The following PCDHGB3 variants were observed in gnomAD, a reference collection of about 807,000 sequenced individuals.
The protein encoded by PCDHGB3 is protocadherin gamma-B3.
In PCDHGB3, 40 loss-of-function variants were observed where a neutral mutation model predicts 59.2. The ratio of observed to expected loss-of-function variants is 0.68; its 90% CI spans 0.52 to 0.88. The LOEUF (loss-of-function observed/expected upper bound fraction) is 0.88, where lower values mean the gene tolerates loss of function less well. PCDHGB3 is among the 40% of genes least tolerant of loss of function. PCDHGB3 has a pLI of 0.00. For missense variants in PCDHGB3, 1,309 were observed against 1,187.9 expected (o/e 1.10, Z -1.50); for synonymous variants, 581 against 503.6 (o/e 1.15, Z -2.06).
Position 141,491,636 on chromosome 5 carries a change from C to T in PCDHGB3, c.2416-3171C>T. ...AGACCCCTCAGCGTTCAGCAGCCCA[C>T]AGCTCTGGCGCTGGAGCCTGACGCC... On this transcript the variant is annotated intron_variant, in intron 1 of 3. Coordinates refer to ENST00000576222, the MANE Select transcript of PCDHGB3 (RefSeq NM_018924.5). This position sits in a 1 kb window ranked among gnomAD's most constrained non-coding sequence, Gnocchi z 6.9. 6.2e-7 allele frequency: 1 copy of T among 1,613,922 alleles called. No homozygotes were observed. Among genetic ancestry groups the T allele is most frequent in the Non-Finnish European group, 8.5e-7 (1 of 1,180,020 alleles).
intron 1 of PCDHGB3, chr5:141,418,387 G>T: frequency 1.9e-6 from 3 of 1,614,002 alleles, no homozygotes; most frequent in Non-Finnish European, 2.5e-6. Flanking sequence ...GTCCTAACGA[G>T]TATTTCTCAT....
chr5:141,431,333 C>T lies in PCDHGB3; in HGVS notation c.2415+58524C>T. 1 of 1,614,058 alleles carries T rather than the reference C, an allele frequency of 6.2e-7. No individual in the cohort carries two copies. Among genetic ancestry groups the T allele is most frequent in the Non-Finnish European group, 8.5e-7 (1 of 1,180,030 alleles). On this transcript the variant is annotated intron_variant, in intron 1 of 3. Coordinates refer to ENST00000576222, the MANE Select transcript of PCDHGB3 (RefSeq NM_018924.5). The surrounding 1 kb of genome is among the most constrained non-coding windows in gnomAD (Gnocchi z 4.8). ...AAATGGAGCCGACGGTAGTAAGTAC[C>T]CCGAATTGGTGCTGAAACGCGCCCT...
chr5:141,389,999 G>C (rs777892783), intron 1 of PCDHGB3: 4 of 1,614,018 alleles, frequency 2.5e-6, no homozygotes, highest in Non-Finnish European at 3.4e-6. Context: ...TCGTGGCCAT[G>C]ATTCTGGCCA....
At chr5:141,505,361 A>G (rs2099845711) in intron 2 of PCDHGB3, 32 bp from the exon 3 acceptor site, 1 of 1,613,910 alleles carries the variant, frequency 6.2e-7, no homozygotes, top group South Asian at 1.1e-5. Context: ...CCGGCCTGGG[A>G]GTCTGTGCTC....
At chr5:141,421,464 T>C in intron 1 of PCDHGB3, 1 of 1,614,090 alleles carries the variant, frequency 6.2e-7, no homozygotes, top group Non-Finnish European at 8.5e-7. Flanking sequence ...TCGCTGTGAA[T>C]CCGCGAAGCG....
intron 1 of PCDHGB3, among the ~76,000 whole-genome samples, chr5:141,467,820 G>T (rs1278112158): frequency 6.6e-6 from 1 of 151,884 alleles, no homozygotes; most frequent in African/African-American, 2.4e-5. Flanking sequence ...CACCACACCA[G>T]GCTGATTTTT....
chr5:141,496,234 T>C (rs2154591884), intron 2 of PCDHGB3, among the ~76,000 whole-genome samples: 1 of 152,232 alleles, frequency 6.6e-6, no homozygotes, highest in Middle Eastern at 3.4e-3. Context: ...AGGAACCCCC[T>C]GCGGGCTGAA....
At chr5:141,419,471 G>A in intron 1 of PCDHGB3, 1 of 1,612,462 alleles carries the variant, frequency 6.2e-7, no homozygotes, top group Non-Finnish European at 8.5e-7. Context: ...CCGCGACCAG[G>A]GCTCGCCCGC....
Position 141,431,240 on chromosome 5 carries a change from G to A in PCDHGB3, c.2415+58431G>A, listed in dbSNP as rs1402814836. 6 of 1,614,044 alleles carry A rather than the reference G, an allele frequency of 3.7e-6. No individual in the cohort carries two copies. Among genetic ancestry groups the A allele is most frequent in the Non-Finnish European group, 5.1e-6 (6 of 1,180,056 alleles). On this transcript the variant is annotated intron_variant, in intron 1 of 3. Coordinates refer to ENST00000576222, the MANE Select transcript of PCDHGB3 (RefSeq NM_018924.5). The surrounding 1 kb of genome is among the most constrained non-coding windows in gnomAD (Gnocchi z 4.8). Reference sequence around the variant, plus strand: ...CCCTCTACCCCACGCCTGGGATCCGGATATCGGGAAGAACTCTCTGCAGAG... The same window carrying A: ...CCCTCTACCCCACGCCTGGGATCCGAATATCGGGAAGAACTCTCTGCAGAG...
intron 1 of PCDHGB3, among the ~76,000 whole-genome samples, chr5:141,401,212 G>A (rs2094128608): frequency 6.6e-6 from 1 of 151,930 alleles, no homozygotes; most frequent in Non-Finnish European, 1.5e-5. Context: ...TGTGGTGGCG[G>A]GCGCCTGTAA....
At position 141,371,301 on chromosome 5, in the gene PCDHGB3, A is replaced by G. The variant is rs199851082; in HGVS notation, c.907A>G (p.Thr303Ala). The G allele has an allele frequency of 1.7e-4, 272 of 1,613,872 alleles. No homozygotes were observed. Among genetic ancestry groups the G allele is most frequent in the Non-Finnish European group, 2.2e-4 (265 of 1,179,878 alleles). ...GGACAGTAAAACGGGGGAACTCACC[A>G]CTATTGGAGAACTGGACTTTGAAGA... The part of the protein sequence containing the change: ...KLDSKTGELT[T>A]IGELDFEERD... Residue 303 changes from threonine (T) to alanine (A), a missense_variant, in exon 1 of 4, where the codon ACT becomes GCT. Transcript: ENST00000576222.
rs2099401367 is a variant in PCDHGB3 at position 141,476,906 on chromosome 5, G to C, written c.2416-17901G>C. ...GGATGCACCCTCCGGCACGCGCGTG[G>C]TACAAGTCCTTGCAACGGATCTGGA... is the stretch of plus-strand genomic sequence containing the variant. On this transcript the variant is annotated intron_variant, in intron 1 of 3. Coordinates refer to ENST00000576222, the MANE Select transcript of PCDHGB3 (RefSeq NM_018924.5). The surrounding 1 kb of genome is among the most constrained non-coding windows in gnomAD (Gnocchi z 7.6). 2 of 1,614,050 alleles carry C rather than the reference G, an allele frequency of 1.2e-6. No homozygotes were observed. The highest frequency in any genetic ancestry group is 1.7e-6 in the Non-Finnish European group (2 of 1,180,044).
chr5:141,461,655 ATTTTAAAG>A (rs2099019832), intron 1 of PCDHGB3, among the ~76,000 whole-genome samples: 1 of 152,022 alleles, frequency 6.6e-6, no homozygotes, highest in African/African-American at 2.4e-5. Flanking sequence ...CCCATGGATT[ATTTTAAAG>A]TTTGTTATTT....
Position 141,459,563 on chromosome 5 carries a change from C to T in PCDHGB3, c.2416-35244C>T, listed in dbSNP as rs1382676727. On this transcript the variant is annotated intron_variant, in intron 1 of 3. Coordinates refer to ENST00000576222, the MANE Select transcript of PCDHGB3 (RefSeq NM_018924.5). ...TTTTATTTCTCTTGGATAAATACCCCAAAACAGAATTGTTTTGGGGGTCAT... is the reference window on the plus strand; with the variant it reads ...TTTTATTTCTCTTGGATAAATACCCTAAAACAGAATTGTTTTGGGGGTCAT... Among the ~76,000 whole-genome samples, 21 of 152,044 alleles carry T rather than the reference C, an allele frequency of 1.4e-4. 1 individual carries two copies.
chr5:141,394,150 A>C (rs781168813), intron 1 of PCDHGB3: 2 of 1,613,798 alleles, frequency 1.2e-6, no homozygotes, highest in East Asian at 4.5e-5. Context: ...GCAGACATTA[A>C]CGACAACCCT....
Position 141,405,636 on chromosome 5 carries a change from G to A in PCDHGB3, c.2415+32827G>A, listed in dbSNP as rs546836247. 7 of 528,588 alleles carry A rather than the reference G, an allele frequency of 1.3e-5. 1 individual carries two copies. The highest frequency in any genetic ancestry group is 8.1e-5 in the South Asian group (3 of 37,242). The allele number at this position is 528,588 out of a possible 1,614,324, so 32.7% of individuals were successfully genotyped here. A position where few individuals can be genotyped will look rare whatever the true frequency, so the allele number is the denominator to read the frequency against. On this transcript the variant is annotated intron_variant, in intron 1 of 3. Coordinates refer to ENST00000576222, the MANE Select transcript of PCDHGB3 (RefSeq NM_018924.5). ...ACTACAGGCACGTGCCACCACGCCC[G>A]GCTAATTTTTTGTGTGTTTTTAGTA...
rs771162471 is a variant in PCDHGB3 at position 141,376,386 on chromosome 5, T to C, written c.2415+3577T>C. 3 of 1,614,116 alleles carry C rather than the reference T, an allele frequency of 1.9e-6. No homozygotes were observed. The African/African-American group carries it at 4.0e-5, about 22-fold the overall frequency. Reference sequence around the variant, plus strand: ...ACTGCAGACTCGCGTAAGAGTCATCTGATTTTCCCCCAGCCCAACTATGCC... The same window carrying C: ...ACTGCAGACTCGCGTAAGAGTCATCCGATTTTCCCCCAGCCCAACTATGCC... On this transcript the variant is annotated intron_variant, in intron 1 of 3. Coordinates refer to ENST00000576222, the MANE Select transcript of PCDHGB3 (RefSeq NM_018924.5).
Position 141,490,254 on chromosome 5 carries a change from G to A in PCDHGB3, c.2416-4553G>A. The A allele has an allele frequency of 6.2e-7, 1 of 1,614,236 alleles. No homozygotes were observed. Among genetic ancestry groups the A allele is most frequent in the Non-Finnish European group, 8.5e-7 (1 of 1,180,038 alleles). ...TGGAGGGCCACTGTGTGATTCAAGT[G>A]GATGTGGGGGATGTCAATGACAATG... On this transcript the variant is annotated intron_variant, in intron 1 of 3. Coordinates refer to ENST00000576222, the MANE Select transcript of PCDHGB3 (RefSeq NM_018924.5). The surrounding 1 kb of genome is among the most constrained non-coding windows in gnomAD (Gnocchi z 5.4).
rs181495329 is a variant in PCDHGB3, at chr5:141,489,120, G to A, written c.2416-5687G>A. ...AACTGCTGCAAGCAGGCAAACCTCC[G>A]AGCAGTTTTTAAGAGGCTGGAAGGA... is the stretch of plus-strand genomic sequence containing the variant. On this transcript the variant is annotated intron_variant, in intron 1 of 3. Coordinates refer to ENST00000576222, the MANE Select transcript of PCDHGB3 (RefSeq NM_018924.5). This position sits in a 1 kb window ranked among gnomAD's most constrained non-coding sequence, Gnocchi z 4.5. 1.8e-5 allele frequency: 8 copies of A among 445,672 alleles called. No homozygotes were observed. The East Asian group carries it at 1.9e-4, about 11-fold the overall frequency. The allele number at this position is 445,672 out of a possible 1,614,324, so 27.6% of individuals were successfully genotyped here.
Sources: allele counts gnomAD v4.1 joint callset (sites outside exome capture counted in the v4.1 genomes callset), GRCh38; gene constraint gnomAD v4.1.1; non-coding constraint Gnocchi (gnomAD v3.1); transcripts MANE v1.5; gene names NCBI Gene and HGNC (gene_info 2026-07-23, HGNC 2026-07-21).